The following CCT4 variants were observed in gnomAD, a reference collection of about 807,000 sequenced individuals.
CCT4 encodes T-complex protein 1 subunit delta.
CCT4 carries 17 observed loss-of-function variants against 62.5 expected under a neutral mutation model. That is an observed-to-expected ratio of 0.27 (90% CI 0.19 to 0.41). The LOEUF (loss-of-function observed/expected upper bound fraction) is 0.41. Among genes scored for constraint, CCT4 ranks in the 10% least tolerant of loss-of-function variants. CCT4 has a pLI of 1.00. For synonymous variants in CCT4, 250 were observed against 229.9 expected (o/e 1.09, Z -0.79); for missense variants, 592 against 659.2 (o/e 0.90, Z 1.12).
At chr2:61,887,002 G>A (rs746557752) in intron 1 of CCT4, among the ~76,000 whole-genome samples, 48 of 152,006 alleles carry the variant, frequency 3.2e-4, no homozygotes, top group Non-Finnish European at 5.9e-4. Flanking sequence ...CATGTGATCC[G>A]CCAGCCTCAG....
In CCT4 at chr2:61,872,232, T is replaced by C. The variant is rs1414312643; in HGVS notation, c.1341A>G (p.Glu447=). ...CTGCAAAAGCACGAACGCAGTAGGA[T>C]TCCATACCACTCAGTGTTCGTGAAT... ...TEYSRTLSGM[E]SYCVRAFADA... Residue 447 remains glutamate (E), a synonymous_variant, in exon 12 of 14, where the codon GAA becomes GAG. Coordinates refer to ENST00000394440, the MANE Select transcript of CCT4 (RefSeq NM_006430.4). The C allele has an allele frequency of 2.5e-6, 4 of 1,613,742 alleles. No individual in the cohort carries two copies. Among genetic ancestry groups the C allele is most frequent in the Non-Finnish European group, 3.4e-6 (4 of 1,179,816 alleles).
intron 2 of CCT4, among the ~76,000 whole-genome samples, chr2:61,883,835 A>T (rs539709550): frequency 1.3e-5 from 2 of 152,112 alleles, no homozygotes; most frequent in Admixed American, 1.3e-4. Context: ...AATATTATAA[A>T]GAAGCACTTG....
At chr2:61,885,509 C>T (rs1669230756) in intron 1 of CCT4, among the ~76,000 whole-genome samples, 1 of 152,132 alleles carries the variant, frequency 6.6e-6, no homozygotes, top group Admixed American at 6.5e-5. Context: ...CTCCTGAGTT[C>T]AAGTGATTCT....
intron 12 of CCT4, among the ~76,000 whole-genome samples, chr2:61,870,835 C>G (rs557826852): frequency 2.6e-4 from 39 of 152,062 alleles, no homozygotes; most frequent in African/African-American, 8.7e-4. Context: ...GGCAGAATTG[C>G]TTGAACTTGG....
chr2:61,868,442 T>C lies in CCT4; in HGVS notation c.*250A>G, dbSNP rs1668820242. On this transcript the variant is annotated 3_prime_UTR_variant, in exon 14 of 14. Coordinates refer to ENST00000394440, the MANE Select transcript of CCT4 (RefSeq NM_006430.4). ...AAACTCACTTTTTACGCTTCTTTTATTAGTTTTTATTAGTTTTTCAAAAGT... is the reference window on the plus strand; with the variant it reads ...AAACTCACTTTTTACGCTTCTTTTACTAGTTTTTATTAGTTTTTCAAAAGT... 2.2e-6 allele frequency: 1 copy of C among 457,560 alleles called. No individual in the cohort carries two copies. The highest frequency in any genetic ancestry group is 2.0e-5 in the African/African-American group (1 of 51,194). 28.3% of individuals were successfully genotyped at this position (457,560 alleles called of 1,614,324 possible).
Position 61,873,308 on chromosome 2 carries a change from C to G in CCT4, c.918-15G>C. On this transcript the variant is annotated splice_polypyrimidine_tract_variant and intron_variant, in intron 8 of 13. Coordinates refer to ENST00000394440, the MANE Select transcript of CCT4 (RefSeq NM_006430.4). Reference sequence around the variant, plus strand: ...TAAGAGCATCTCTAAAATACAAAATCAGTGATTATGTCAATGCTAGATTAA... The same window carrying G: ...TAAGAGCATCTCTAAAATACAAAATGAGTGATTATGTCAATGCTAGATTAA... The G allele has an allele frequency of 3.6e-6, 5 of 1,401,986 alleles. No individual in the cohort carries two copies. Among genetic ancestry groups the G allele is most frequent in the Non-Finnish European group, 5.0e-6 (5 of 993,016 alleles). 86.8% of individuals were successfully genotyped at this position (1,401,986 alleles called of 1,614,324 possible).
intron 1 of CCT4, among the ~76,000 whole-genome samples, chr2:61,886,295 C>G (rs1213033759): frequency 6.6e-6 from 1 of 152,140 alleles, no homozygotes; most frequent in East Asian, 1.9e-4. Flanking sequence ...GTAGTCCCAG[C>G]TAGCTACTCG....
At chr2:61,880,943 T>C (rs1469237692) in intron 3 of CCT4, among the ~76,000 whole-genome samples, 2 of 152,160 alleles carry the variant, frequency 1.3e-5, no homozygotes, top group Admixed American at 6.5e-5. Context: ...TAGAATGGTC[T>C]TGAACTCCTG....
In CCT4 at chr2:61,870,489, C is replaced by A. The variant is rs149200610; in HGVS notation, c.1492-936G>T. 4.7e-3 allele frequency among the ~76,000 whole-genome samples: 698 copies of A among 149,680 alleles called. 6 individuals carry two copies. Among genetic ancestry groups the A allele is most frequent in the African/African-American group, 0.017 (674 of 40,728 alleles). ...CCAGTCTTCCCTTCTTAAAATATTC[C>A]TGTCCTTAGCCTCTTGCTTAAAAAA... On this transcript the variant is annotated intron_variant, in intron 12 of 13. Transcript: ENST00000394440.
chr2:61,878,253 A>G (rs1440828202), intron 5 of CCT4, among the ~76,000 whole-genome samples: 2 of 152,192 alleles, frequency 1.3e-5, no homozygotes, highest in South Asian at 2.1e-4. Context: ...ACAGAAAACA[A>G]GTGACATGAG....
At chr2:61,879,618 A>G (rs992209300) in intron 4 of CCT4, among the ~76,000 whole-genome samples, 1 of 151,924 alleles carries the variant, frequency 6.6e-6, no homozygotes, top group South Asian at 2.1e-4. Context: ...TATAAGTAAA[A>G]TAAGTGATTG....
chr2:61,882,940 C>A (rs1335205333), intron 3 of CCT4, among the ~76,000 whole-genome samples: 1 of 151,936 alleles, frequency 6.6e-6, no homozygotes, highest in Non-Finnish European at 1.5e-5. Flanking sequence ...GTGGCTGGGA[C>A]TAAAGGCATG....
intron 10 of CCT4, 151 bp downstream of exon 10, chr2:61,872,851 C>T (rs554756447): frequency 1.5e-5 from 10 of 673,314 alleles, no homozygotes; most frequent in African/African-American, 7.2e-5. Context: ...GGCATGAACC[C>T]GGGAGGCGGA....
chr2:61,883,866 T>C (rs1269325521), intron 2 of CCT4, among the ~76,000 whole-genome samples: 1 of 152,066 alleles, frequency 6.6e-6, no homozygotes, highest in African/African-American at 2.4e-5. Flanking sequence ...TGATTTCTTA[T>C]TAATCAGAAA....
chr2:61,877,567 A>C lies in CCT4; in HGVS notation c.523-53T>G, dbSNP rs544109881. Reference sequence around the variant, plus strand: ...TACCTTCACAGTAGAAAAAAGTCCTAATTTTTCAATGACAAAGATACTTAA... The same window carrying C: ...TACCTTCACAGTAGAAAAAAGTCCTCATTTTTCAATGACAAAGATACTTAA... On this transcript the variant is annotated intron_variant, in intron 5 of 13. Transcript: ENST00000394440. 7 of 1,356,132 alleles carry C rather than the reference A, an allele frequency of 5.2e-6. No individual in the cohort carries two copies. In the South Asian group the frequency reaches 5.9e-5, roughly 11 times the overall value. The allele number at this position is 1,356,132 out of a possible 1,614,324, so 84.0% of individuals were successfully genotyped here.
intron 7 of CCT4, among the ~76,000 whole-genome samples, chr2:61,876,528 T>C (rs937000551): frequency 1.3e-5 from 2 of 152,222 alleles, no homozygotes; most frequent in Admixed American, 6.5e-5. Flanking sequence ...CTCTCTAATC[T>C]GTGTGAATTT....
Position 61,873,110 on chromosome 2 carries a change from T to C in CCT4, c.1017A>G (p.Thr339=). The C allele has an allele frequency of 2.5e-6, 4 of 1,598,898 alleles. No individual in the cohort carries two copies. Among genetic ancestry groups the C allele is most frequent in the Non-Finnish European group, 3.4e-6 (4 of 1,166,170 alleles). The change falls in exon 10 of 14, where the codon ACA becomes ACG. Residue 339 remains threonine, a splice_region_variant and synonymous_variant. Coordinates refer to ENST00000394440, the MANE Select transcript of CCT4 (RefSeq NM_006430.4). ...EREDIEFICK[T]IGTKPVAHID... ...TATGAGCAACTGGCTTGGTTCCAAT[T>C]GTCTGGAAAAAACAGTCAAATCCAC...
At chr2:61,884,341 T>C (rs898609789) in intron 2 of CCT4, among the ~76,000 whole-genome samples, 1 of 152,160 alleles carries the variant, frequency 6.6e-6, no homozygotes, top group Non-Finnish European at 1.5e-5. Context: ...TCTCGCTCCA[T>C]TGCCCAGGCT....
At position 61,872,311 on chromosome 2, in the gene CCT4, A is replaced by G; in HGVS notation, c.1262T>C (p.Leu421Pro). 6.3e-7 allele frequency: 1 copy of G among 1,588,142 alleles called. No individual in the cohort carries two copies. Among genetic ancestry groups the G allele is most frequent in the African/African-American group, 1.3e-5 (1 of 74,656 alleles). Residue 421 changes from leucine (L) to proline (P), a missense_variant, in exon 12 of 14, where the codon CTT becomes CCT. Around this residue, in one of 3 missense-constraint regions of CCT4, gnomAD observed 522 missense variants for 571.2 expected, o/e 0.91. Coordinates refer to ENST00000394440, the MANE Select transcript of CCT4 (RefSeq NM_006430.4). Reference sequence around the variant, plus strand: ...TTCTGGAGCACCACCTCCTGCAATAAGAGCCCTGAAATTCACAAATATATT... The same window carrying G: ...TTCTGGAGCACCACCTCCTGCAATAGGAGCCCTGAAATTCACAAATATATT... ...VIRCLVKKRA[L>P]IAGGGAPEIE...
Sources: allele counts gnomAD v4.1 joint callset (sites outside exome capture counted in the v4.1 genomes callset), GRCh38; gene constraint gnomAD v4.1.1; regional missense constraint gnomAD v4.1.1; transcripts MANE v1.5; gene names NCBI Gene and HGNC (gene_info 2026-07-23, HGNC 2026-07-21).